CACNB2: variants seen among roughly 807,000 people sequenced by gnomAD.
CACNB2 encodes the protein calcium voltage-gated channel auxiliary subunit beta 2.
In CACNB2, 42 loss-of-function variants were observed where a neutral mutation model predicts 73.3. The observed-to-expected ratio is 0.57, with a 90% confidence interval of 0.45 to 0.74. The LOEUF is 0.74. Among genes scored for constraint, CACNB2 ranks in the 30% least tolerant of loss-of-function variants. The pLI, the probability that CACNB2 is intolerant of heterozygous loss-of-function variation, is 0.00. For synonymous variants in CACNB2, 348 were observed against 310.3 expected (o/e 1.12, Z -1.28); for missense variants, 940 against 853.0 (o/e 1.10, Z -1.27).
chr10:18,531,478 T>C (rs1180248775), intron 10 of CACNB2, among the ~76,000 whole-genome samples: 3 of 152,212 alleles, frequency 2.0e-5, no homozygotes, highest in Non-Finnish European at 4.4e-5. Context: ...AACATATACA[T>C]GCGTGTATCT....
intron 2 of CACNB2, among the ~76,000 whole-genome samples, chr10:18,158,239 T>A (rs1218616164): frequency 1.3e-5 from 2 of 152,238 alleles, no homozygotes; most frequent in Admixed American, 1.3e-4. Flanking sequence ...GGCATATTTA[T>A]GGCACCTAGT....
intron 4 of CACNB2, 124 bp downstream of exon 4, chr10:18,498,601 C>G: frequency 1.0e-6 from 1 of 958,672 alleles, no homozygotes; most frequent in Non-Finnish European, 1.7e-6. Flanking sequence ...GTATAACACA[C>G]ATAACTAAAT....
chr10:18,538,124 G>A (rs910814919), intron 12 of CACNB2, 56 bp from the exon 13 acceptor site: 2 of 1,560,454 alleles, frequency 1.3e-6, no homozygotes, highest in African/African-American at 1.4e-5. Context: ...ATGGAGGTGG[G>A]AAGGGGGTGA....
chr10:18,153,747 G>T (rs2031800570), intron 2 of CACNB2, among the ~76,000 whole-genome samples: 2 of 149,322 alleles, frequency 1.3e-5, no homozygotes, highest in Admixed American at 1.4e-4. Context: ...ATGCCCAGCT[G>T]ATTTTTGTAT....
At chr10:18,289,215 C>T (rs2038940900) in intron 2 of CACNB2, among the ~76,000 whole-genome samples, 1 of 151,628 alleles carries the variant, frequency 6.6e-6, no homozygotes, top group South Asian at 2.1e-4. Context: ...CCCCCGACCC[C>T]CTCCCCAGCA....
At chr10:18,277,347 G>T (rs940619256) in intron 2 of CACNB2, among the ~76,000 whole-genome samples, 1 of 152,180 alleles carries the variant, frequency 6.6e-6, no homozygotes, top group African/African-American at 2.4e-5. Context: ...ATCAAAAGTC[G>T]TCTCTGGTTT....
chr10:18,165,919 G>A (rs541243634), intron 2 of CACNB2, among the ~76,000 whole-genome samples: 1 of 152,280 alleles, frequency 6.6e-6, no homozygotes, highest in Non-Finnish European at 1.5e-5. Flanking sequence ...ATGGTTTGAA[G>A]AGTTGTAAGT....
At chr10:18,270,042 AG>A (rs2037984131) in intron 2 of CACNB2, among the ~76,000 whole-genome samples, 1 of 152,196 alleles carries the variant, frequency 6.6e-6, no homozygotes, top group Non-Finnish European at 1.5e-5. Context: ...GCTGTAAAGT[AG>A]TACTCAAGAC....
In CACNB2 at chr10:18,431,635, A is replaced by G. The variant is rs146832053; in HGVS notation, c.333+29592A>G. 1.7e-3 allele frequency among the ~76,000 whole-genome samples: 262 copies of G among 152,344 alleles called. 1 individual carries two copies. The highest frequency in any genetic ancestry group is 6.8e-3 in the Middle Eastern group (2 of 294). Reference sequence around the variant, plus strand: ...TAAATTACAATATTTTCCTCCTTAAAAAAGCCAAAATGAGGAAGTTAACGG... The same window carrying G: ...TAAATTACAATATTTTCCTCCTTAAGAAAGCCAAAATGAGGAAGTTAACGG... On this transcript the variant is annotated intron_variant, in intron 3 of 13. Coordinates refer to ENST00000324631, the MANE Select transcript of CACNB2 (RefSeq NM_201596.3).
chr10:18,208,943 A>C (rs1317542871), intron 2 of CACNB2, among the ~76,000 whole-genome samples: 1 of 152,208 alleles, frequency 6.6e-6, no homozygotes, highest in Admixed American at 6.5e-5. Context: ...GATTCTCTGG[A>C]GCACATCATC....
chr10:18,500,822 A>G lies in CACNB2; in HGVS notation c.467A>G (p.Asn156Ser), dbSNP rs542657567. Residue 156 changes from asparagine to serine, a missense_variant, in exon 5 of 14, where the codon AAT becomes AGT. Asn to Ser is a conservative substitution (Grantham distance 46). Transcript: ENST00000324631. Reference sequence around the variant, plus strand: ...TGATTTTGTGTTTAGAAATTTAACAATGACTGGTGGATAGGGCGATTGGTA... The same window carrying G: ...TGATTTTGTGTTTAGAAATTTAACAGTGACTGGTGGATAGGGCGATTGGTA... ...DFLHVKEKFN[N>S]DWWIGRLVKE... The G allele has an allele frequency of 1.2e-6, 2 of 1,613,992 alleles. No homozygotes were observed. Among genetic ancestry groups the G allele is most frequent in the South Asian group, 1.1e-5 (1 of 91,084 alleles).
At chr10:18,267,544 T>G (rs988067813) in intron 2 of CACNB2, among the ~76,000 whole-genome samples, 7 of 152,116 alleles carry the variant, frequency 4.6e-5, no homozygotes, top group Non-Finnish European at 8.8e-5. Flanking sequence ...AGGTGGAGGT[T>G]GCAGTGAACT....
chr10:18,356,493 G>A (rs1050172696), intron 2 of CACNB2, among the ~76,000 whole-genome samples: 1 of 152,072 alleles, frequency 6.6e-6, no homozygotes, highest in African/African-American at 2.4e-5. Flanking sequence ...CATCTCTGTG[G>A]TTCTGCAGAA....
intron 2 of CACNB2, among the ~76,000 whole-genome samples, chr10:18,221,739 A>G (rs1003698251): frequency 2.6e-5 from 4 of 152,148 alleles, no homozygotes; most frequent in Admixed American, 1.3e-4. Flanking sequence ...ATTTTAAAAG[A>G]CCTTTATAAA....
At chr10:18,525,322 T>C (rs1030774919) in intron 9 of CACNB2, among the ~76,000 whole-genome samples, 5 of 152,196 alleles carry the variant, frequency 3.3e-5, no homozygotes, top group Non-Finnish European at 5.9e-5. Context: ...TCAAAAACCT[T>C]CTCATTTCCC....
At chr10:18,430,723 G>C (rs181912240) in intron 3 of CACNB2, among the ~76,000 whole-genome samples, 21 of 152,200 alleles carry the variant, frequency 1.4e-4, no homozygotes, top group Non-Finnish European at 1.5e-5. Context: ...CCTGTGATCT[G>C]TGTTGCTCTG....
intron 2 of CACNB2, among the ~76,000 whole-genome samples, chr10:18,198,981 C>CT (rs1171133758): frequency 1.3e-5 from 2 of 152,122 alleles, no homozygotes; most frequent in Admixed American, 6.5e-5. Context: ...TTAAATTTAT[C>CT]TTTTTTTCAG....
At chr10:18,372,662 C>T (rs975852260) in intron 2 of CACNB2, among the ~76,000 whole-genome samples, 2 of 152,240 alleles carry the variant, frequency 1.3e-5, no homozygotes, top group Non-Finnish European at 2.9e-5. Context: ...CCGCCTTCGC[C>T]TCCCAAAGTG....
intron 2 of CACNB2, among the ~76,000 whole-genome samples, chr10:18,187,233 A>G (rs1002703864): frequency 6.6e-6 from 1 of 152,178 alleles, no homozygotes; most frequent in African/African-American, 2.4e-5. Flanking sequence ...AGAAGAACCT[A>G]CCGTGGGGAT....
Sources: allele counts gnomAD v4.1 joint callset (sites outside exome capture counted in the v4.1 genomes callset), GRCh38; gene constraint gnomAD v4.1.1; transcripts MANE v1.5; gene names NCBI Gene and HGNC (gene_info 2026-07-23, HGNC 2026-07-21).